The following MSH4 variants were observed in gnomAD, a reference collection of about 807,000 sequenced individuals.
MSH4 encodes mutS protein homolog 4.
A neutral mutation model predicts 113.7 loss-of-function variants in MSH4; 106 were observed. The ratio of observed to expected loss-of-function variants is 0.93; its 90% CI spans 0.80 to 1.10. The LOEUF is 1.10. Among genes scored for constraint, MSH4 ranks in the 50% least tolerant of loss-of-function variants. The pLI is 0.00. For missense variants in MSH4, 1,061 were observed against 1,093.7 expected, an observed-to-expected ratio of 0.97 and a Z score of 0.42; for synonymous variants, 368 against 380.2, an observed-to-expected ratio of 0.97 and a Z score of 0.37.
chr1:75,836,753 T>C (rs1650838233), intron 7 of MSH4, among the ~76,000 whole-genome samples: 1 of 152,226 alleles, frequency 6.6e-6, no homozygotes, highest in Admixed American at 6.5e-5. Context: ...CTTCTTCCTC[T>C]GTCTTTGTGG....
chr1:75,885,049 G>GTATATATATATATA (rs1431311570), intron 15 of MSH4, among the ~76,000 whole-genome samples: 7 of 109,052 alleles, frequency 6.4e-5, no homozygotes, highest in African/African-American at 9.2e-5. Context: ...GTGTGTGTGT[G>GTATATATATATATA]TGTGTGTGTG....
intron 19 of MSH4, among the ~76,000 whole-genome samples, chr1:75,900,011 C>T (rs1652473557): frequency 6.6e-6 from 1 of 151,592 alleles, no homozygotes; most frequent in African/African-American, 2.4e-5. Context: ...TTTAAGTGGA[C>T]ATTAAAAATG....
intron 13 of MSH4, 98 bp downstream of exon 13, chr1:75,880,251 A>G (rs1392361482): frequency 1.5e-6 from 1 of 655,002 alleles, no homozygotes; most frequent in Non-Finnish European, 2.6e-6. Flanking sequence ...ATTACAGACA[A>G]TTGTAGAATT....
chr1:75,875,255 A>G (rs1383088039), intron 9 of MSH4, among the ~76,000 whole-genome samples: 1 of 152,196 alleles, frequency 6.6e-6, no homozygotes, highest in Non-Finnish European at 1.5e-5. Context: ...GGATGATGAA[A>G]TAGACAAAAT....
intron 19 of MSH4, among the ~76,000 whole-genome samples, chr1:75,908,548 C>T (rs1272194378): frequency 1.3e-5 from 2 of 152,112 alleles, no homozygotes; most frequent in African/African-American, 4.8e-5. Context: ...ATTTTGAATT[C>T]TTGATCTTAG....
Position 75,883,469 on chromosome 1 carries a change from G to C in MSH4, c.1907-152G>C, listed in dbSNP as rs567416854. The stretch of plus-strand genomic sequence containing the variant: ...GTCCATTATAATTTAGAAGAATTTG[G>C]GTGGGGATTTGGGATAATATAGTAC... On this transcript the variant is annotated intron_variant, in intron 14 of 19. Transcript: ENST00000263187. 4.6e-4 allele frequency: 270 copies of C among 588,264 alleles called. 1 individual carries two copies. The South Asian group carries it at 6.1e-3, about 13-fold the overall frequency. 36.4% of individuals were successfully genotyped at this position (588,264 alleles called of 1,614,324 possible).
At chr1:75,818,752 GTT>G (rs61322846) in intron 6 of MSH4, among the ~76,000 whole-genome samples, 30 of 151,536 alleles carry the variant, frequency 2.0e-4, no homozygotes, top group Admixed American at 1.1e-3. Flanking sequence ...TGTATATTCC[GTT>G]TTTTTTGTTT....
At chr1:75,873,397 C>T (rs1175633977) in intron 9 of MSH4, among the ~76,000 whole-genome samples, 1 of 152,102 alleles carries the variant, frequency 6.6e-6, no homozygotes, top group Non-Finnish European at 1.5e-5. Flanking sequence ...TACAAAAACA[C>T]TTTTTAAAAA....
At chr1:75,912,672 ATAT>A (rs71690142) in intron 19 of MSH4, 21 bp from the exon 20 acceptor site, 332,012 of 1,241,078 alleles carry the variant, frequency 0.27, 36,796 homozygotes, top group Middle Eastern at 0.31. Flanking sequence ...ATATATATAT[ATAT>A]TTTTTTTTTT....
At chr1:75,843,942 G>A (rs1398802236) in intron 7 of MSH4, among the ~76,000 whole-genome samples, 1 of 152,080 alleles carries the variant, frequency 6.6e-6, no homozygotes, top group African/African-American at 2.4e-5. Context: ...CTCCCGAGTA[G>A]CGGGGATTAC....
intron 6 of MSH4, among the ~76,000 whole-genome samples, chr1:75,821,626 T>C (rs1227031423): frequency 2.6e-5 from 4 of 152,200 alleles, no homozygotes; most frequent in Admixed American, 6.5e-5. Context: ...AAAACTTTTT[T>C]TGCGACAAGA....
At chr1:75,889,803 T>C (rs1385819174) in intron 16 of MSH4, among the ~76,000 whole-genome samples, 1 of 152,090 alleles carries the variant, frequency 6.6e-6, no homozygotes, top group Middle Eastern at 3.2e-3. Flanking sequence ...GTATCACCTA[T>C]TTCTGATTGA....
In MSH4 at chr1:75,796,910, G is replaced by A; in HGVS notation, c.-76G>A. On this transcript the variant is annotated 5_prime_UTR_variant, in exon 1 of 20. Transcript: ENST00000263187. Reference sequence around the variant, plus strand: ...CAGTTCTCCCGCCCGTTTCAGCGGCGCAGCTTCTGTAGTTGGGCTACTGGA... The same window carrying A: ...CAGTTCTCCCGCCCGTTTCAGCGGCACAGCTTCTGTAGTTGGGCTACTGGA... The A allele has an allele frequency of 1.3e-6, 2 of 1,587,410 alleles. No homozygotes were observed. Among genetic ancestry groups the A allele is most frequent in the Non-Finnish European group, 1.7e-6 (2 of 1,164,742 alleles).
chr1:75,826,111 G>T (rs570477639), intron 7 of MSH4, among the ~76,000 whole-genome samples: 1 of 152,154 alleles, frequency 6.6e-6, no homozygotes, highest in African/African-American at 2.4e-5. Context: ...TTTTTGGTTG[G>T]TGGGCTATTA....
chr1:75,896,555 A>G (rs1652389304), intron 17 of MSH4, among the ~76,000 whole-genome samples: 1 of 151,844 alleles, frequency 6.6e-6, no homozygotes, highest in Admixed American at 6.6e-5. Context: ...TCAAGCATAC[A>G]GTATCTGTTT....
chr1:75,851,908 A>G (rs1347149401), intron 8 of MSH4, among the ~76,000 whole-genome samples: 1 of 152,200 alleles, frequency 6.6e-6, no homozygotes, highest in Non-Finnish European at 1.5e-5. Flanking sequence ...CACACATTCA[A>G]AGCCTACAAT....
chr1:75,887,094 A>G (rs1652142746), intron 15 of MSH4, among the ~76,000 whole-genome samples: 1 of 151,950 alleles, frequency 6.6e-6, no homozygotes, highest in South Asian at 2.1e-4. Flanking sequence ...TTGCCCCATT[A>G]TGCCGTTTGA....
chr1:75,907,068 G>C (rs952048598), intron 19 of MSH4, among the ~76,000 whole-genome samples: 5 of 151,882 alleles, frequency 3.3e-5, no homozygotes, highest in African/African-American at 1.2e-4. Context: ...TAGTATTAGA[G>C]TATTCTGAAT....
intron 17 of MSH4, among the ~76,000 whole-genome samples, chr1:75,891,568 C>G (rs141253706): frequency 6.6e-6 from 1 of 152,026 alleles, no homozygotes; most frequent in Non-Finnish European, 1.5e-5. Flanking sequence ...ATCCTCCTGC[C>G]GCAGCCTCCT....
Sources: gnomAD v4.1 joint callset for allele counts (sites outside exome capture counted in the v4.1 genomes callset) on GRCh38, gnomAD v4.1.1 for gene constraint, MANE v1.5 for transcripts, NCBI Gene and HGNC (gene_info 2026-07-23, HGNC 2026-07-21) for gene names.